Variants in INPP4B observed in about 807,000 individuals in gnomAD.
INPP4B encodes inositol polyphosphate-4-phosphatase type II B.
Under a neutral mutation model 122.5 loss-of-function variants are expected in INPP4B, and 55 were observed. The ratio of observed to expected loss-of-function variants is 0.45; its 90% CI spans 0.36 to 0.56. The LOEUF (loss-of-function observed/expected upper bound fraction) is 0.56, where lower values mean the gene tolerates loss of function less well. Among genes scored for constraint, INPP4B ranks in the 20% least tolerant of loss-of-function variants. The pLI is 0.00. For synonymous variants in INPP4B, 403 were observed against 388.7 expected (o/e 1.04, Z -0.43); for missense variants, 1,000 against 1,097.7 (o/e 0.91, Z 1.26).
chr4:142,234,555 T>C (rs1334781630), intron 12 of INPP4B, among the ~76,000 whole-genome samples: 2 of 152,178 alleles, frequency 1.3e-5, no homozygotes, highest in Non-Finnish European at 2.9e-5. Flanking sequence ...TTTAAAAATC[T>C]CCTTTTCGTT....
chr4:142,836,431 C>T (rs946906547), intron 1 of INPP4B, among the ~76,000 whole-genome samples: 10 of 151,454 alleles, frequency 6.6e-5, no homozygotes, highest in South Asian at 4.2e-4. Flanking sequence ...TGTGTGTGCG[C>T]GCGTGTGTGT....
rs1016141140 is a variant in INPP4B at position 142,138,086 on chromosome 4, C to T, written c.1720+7754G>A. Among the ~76,000 whole-genome samples the T allele has an allele frequency of 1.2e-3, 187 of 151,618 alleles. 2 individuals are homozygous for T. In the South Asian group the frequency reaches 0.021, roughly 17 times the overall value. ...ATGCTGCTATAAAGACACATGCACA[C>T]GTATGTTTATTGCGGCACTATTCAC... On this transcript the variant is annotated intron_variant, in intron 18 of 25. Coordinates refer to ENST00000262992, the MANE Select transcript of INPP4B (RefSeq NM_001101669.3).
chr4:142,115,924 A>G (rs9991021), intron 21 of INPP4B, among the ~76,000 whole-genome samples: 20,051 of 151,938 alleles, frequency 0.13, 1,491 homozygotes, highest in East Asian at 0.23. Flanking sequence ...CCCATCTCAC[A>G]TGCAGAGACA....
chr4:142,196,112 T>C (rs1307552696), intron 14 of INPP4B, among the ~76,000 whole-genome samples: 1 of 152,208 alleles, frequency 6.6e-6, no homozygotes, highest in Admixed American at 6.5e-5. Flanking sequence ...AAAGAACTGA[T>C]TGTTTATTGT....
chr4:142,178,527 T>C (rs959675516), intron 15 of INPP4B, among the ~76,000 whole-genome samples: 1 of 152,188 alleles, frequency 6.6e-6, no homozygotes, highest in Non-Finnish European at 1.5e-5. Flanking sequence ...CTGTTACTTA[T>C]CCATCCTTTC....
chr4:142,677,708 T>C (rs537389525), intron 2 of INPP4B, among the ~76,000 whole-genome samples: 1 of 152,224 alleles, frequency 6.6e-6, no homozygotes, highest in Admixed American at 6.5e-5. Flanking sequence ...TGGATGAAGC[T>C]GGAAACCATC....
chr4:142,757,554 G>C (rs1770682649), intron 1 of INPP4B, among the ~76,000 whole-genome samples: 1 of 152,000 alleles, frequency 6.6e-6, no homozygotes, highest in Non-Finnish European at 1.5e-5. Flanking sequence ...TTTCATGTTG[G>C]CTTCTTTCCC....
chr4:142,386,164 T>C (rs1316509429), intron 7 of INPP4B, among the ~76,000 whole-genome samples: 1 of 152,134 alleles, frequency 6.6e-6, no homozygotes, highest in Non-Finnish European at 1.5e-5. Context: ...TTATTTAACA[T>C]AATGTCTTCC....
chr4:142,305,903 T>G, intron 8 of INPP4B: 1 of 1,042,040 alleles, frequency 9.6e-7, no homozygotes, highest in South Asian at 3.1e-5. Flanking sequence ...CTTATTAGAA[T>G]TCCTCAAATC....
intron 16 of INPP4B, among the ~76,000 whole-genome samples, chr4:142,165,146 A>G (rs1299933265): frequency 6.6e-6 from 1 of 151,746 alleles, no homozygotes; most frequent in Non-Finnish European, 1.5e-5. Context: ...AAGCCCTTAG[A>G]GTTCAGAAAT....
At chr4:142,425,076 GA>G (rs1263312808) in intron 5 of INPP4B, 23 of 152,052 alleles carry the variant, frequency 1.5e-4, no homozygotes, top group East Asian at 1.9e-4. Flanking sequence ...AATTTAAGAG[GA>G]AAAAACTTTT....
chr4:142,843,380 A>AT (rs1242360818), intron 1 of INPP4B, among the ~76,000 whole-genome samples: 1 of 151,954 alleles, frequency 6.6e-6, no homozygotes, highest in Non-Finnish European at 1.5e-5. Context: ...TTTTAAAAGT[A>AT]TTAACAAAGT....
chr4:142,617,194 C>A (rs1743898279), intron 2 of INPP4B, among the ~76,000 whole-genome samples: 1 of 152,100 alleles, frequency 6.6e-6, no homozygotes, highest in Non-Finnish European at 1.5e-5. Context: ...TATTCAGTGG[C>A]TTTCCTGGAA....
chr4:142,106,380 GC>G (rs1787119495), intron 23 of INPP4B, among the ~76,000 whole-genome samples: 2 of 152,058 alleles, frequency 1.3e-5, no homozygotes, highest in Non-Finnish European at 2.9e-5. Flanking sequence ...CCGGGCTCAA[GC>G]CATACTCCCA....
chr4:142,596,496 G>T (rs550875742), intron 2 of INPP4B, among the ~76,000 whole-genome samples: 173 of 152,254 alleles, frequency 1.1e-3, no homozygotes, highest in Non-Finnish European at 1.6e-3. Context: ...CCCAGGTAAG[G>T]CCAGCAGAAG....
intron 18 of INPP4B, among the ~76,000 whole-genome samples, chr4:142,136,498 C>G (rs1325663407): frequency 6.6e-6 from 1 of 152,186 alleles, no homozygotes; most frequent in Non-Finnish European, 1.5e-5. Context: ...GCCTGGATGA[C>G]CAGGGAAGGC....
chr4:142,187,900 T>G (rs1833880648), intron 15 of INPP4B, among the ~76,000 whole-genome samples: 1 of 152,022 alleles, frequency 6.6e-6, no homozygotes, highest in African/African-American at 2.4e-5. Flanking sequence ...CTGGCCTATA[T>G]TATGTATATA....
chr4:142,554,195 A>G (rs1728615728), intron 2 of INPP4B, among the ~76,000 whole-genome samples: 1 of 145,008 alleles, frequency 6.9e-6, no homozygotes, highest in Non-Finnish European at 1.5e-5. Flanking sequence ...TCTCAAAAAA[A>G]AAAAAAAAAA....
intron 2 of INPP4B, among the ~76,000 whole-genome samples, chr4:142,536,328 C>T (rs973294040): frequency 3.9e-5 from 6 of 152,044 alleles, no homozygotes; most frequent in Non-Finnish European, 8.8e-5. Flanking sequence ...AGCTGCTCTC[C>T]ATTTCTCCAT....
Sources: gnomAD v4.1 joint callset for allele counts (sites outside exome capture counted in the v4.1 genomes callset) on GRCh38, gnomAD v4.1.1 for gene constraint, MANE v1.5 for transcripts, NCBI Gene and HGNC (gene_info 2026-07-23, HGNC 2026-07-21) for gene names.